Variants in AFM observed in about 807,000 individuals in gnomAD.
The protein encoded by AFM is alpha-Alb.
AFM carries 82 observed loss-of-function variants against 68.7 expected under a neutral mutation model. That is an observed-to-expected ratio of 1.19 (90% confidence interval 1.00 to 1.43). AFM has a LOEUF of 1.43. AFM is among the 40% of genes most tolerant of loss of function. AFM has a pLI of 0.00. For missense variants in AFM, 772 were observed against 701.8 expected (o/e 1.10, Z -1.13); for synonymous variants, 250 against 234.2 (o/e 1.07, Z -0.61).
At chr4:73,491,343 C>T (rs1721065377) in intron 7 of AFM, among the ~76,000 whole-genome samples, 1 of 152,126 alleles carries the variant, frequency 6.6e-6, no homozygotes, top group South Asian at 2.1e-4. Flanking sequence ...AAAATGATAC[C>T]ATGAGTGGAA....
At chr4:73,493,213 G>T (rs1323483934) in intron 8 of AFM, among the ~76,000 whole-genome samples, 1 of 152,170 alleles carries the variant, frequency 6.6e-6, no homozygotes, top group African/African-American at 2.4e-5. Flanking sequence ...GCCAGATCAT[G>T]CAGGCATGCT....
At chr4:73,493,295 A>T (rs1333224132) in intron 8 of AFM, among the ~76,000 whole-genome samples, 1 of 152,180 alleles carries the variant, frequency 6.6e-6, no homozygotes, top group East Asian at 1.9e-4. Flanking sequence ...AGTTTTTAGA[A>T]ACCTCATCTG....
intron 8 of AFM, among the ~76,000 whole-genome samples, chr4:73,492,960 A>C (rs1721121605): frequency 6.6e-6 from 1 of 152,074 alleles, no homozygotes; most frequent in African/African-American, 2.4e-5. Flanking sequence ...TAAATAAATA[A>C]GTGCAAAAAA....
chr4:73,484,131 T>G lies in AFM; in HGVS notation c.138-127T>G. On this transcript the variant is annotated intron_variant, in intron 2 of 14. Coordinates refer to ENST00000226355, the MANE Select transcript of AFM (RefSeq NM_001133.2). ...AATTATAAAATTCAGGCAAAGAAGTTGTAAAATTTATAGCCATTACAATAG... is the reference window on the plus strand; with the variant it reads ...AATTATAAAATTCAGGCAAAGAAGTGGTAAAATTTATAGCCATTACAATAG... 4.2e-6 allele frequency: 6 copies of G among 1,417,322 alleles called. No homozygotes were observed. The South Asian group carries it at 7.7e-5, about 18-fold the overall frequency. 87.8% of individuals were successfully genotyped at this position (1,417,322 alleles called of 1,614,324 possible).
Position 73,495,366 on chromosome 4 carries a change from A to G in AFM, c.1125A>G (p.Gln375=). The change falls in exon 9 of 15, where the codon CAA becomes CAG. Residue 375 remains glutamine (Q), a synonymous_variant. Transcript: ENST00000226355. ...LSIPELLRIV[Q]IYKDLLRNCC... The stretch of plus-strand genomic sequence containing the variant: ...TACCAGAGCTTTTAAGAATTGTTCA[A>G]ATATACAAAGATCTCCTGAGAAATT... 1.2e-6 allele frequency: 2 copies of G among 1,613,372 alleles called. No individual in the cohort carries two copies. The highest frequency in any genetic ancestry group is 1.7e-6 in the Non-Finnish European group (2 of 1,179,740).
At chr4:73,486,179 A>G (rs1182057450) in intron 4 of AFM, 106 bp downstream of exon 4, 99 of 949,790 alleles carry the variant, frequency 1.0e-4, no homozygotes, top group Non-Finnish European at 1.4e-4. Context: ...TTTATTGATT[A>G]ATTGTTTCAT....
chr4:73,488,877 C>A, intron 7 of AFM, 118 bp downstream of exon 7: 1 of 976,934 alleles, frequency 1.0e-6, no homozygotes, highest in Non-Finnish European at 1.5e-6. Context: ...TGTGATTTAA[C>A]TTTTGAATGA....
chr4:73,497,971 G>T (rs192268428), intron 10 of AFM, among the ~76,000 whole-genome samples: 1 of 152,244 alleles, frequency 6.6e-6, no homozygotes, highest in East Asian at 1.9e-4. Context: ...TGGAGACATT[G>T]ATTCTCTAAT....
intron 8 of AFM, among the ~76,000 whole-genome samples, chr4:73,493,285 A>G (rs1421508778): frequency 3.9e-5 from 6 of 152,224 alleles, no homozygotes; most frequent in African/African-American, 1.4e-4. Context: ...ATTCACTTTC[A>G]GTTTTTAGAA....
In AFM at chr4:73,497,767, G is replaced by T; in HGVS notation, c.1289+18G>T. On this transcript the variant is annotated intron_variant, in intron 10 of 14. Coordinates refer to ENST00000226355, the MANE Select transcript of AFM (RefSeq NM_001133.2). ...AAATACCAGTATGTTGTTTGCACAAGTGGGCTAACACTTGCCACTAGAATT... is the reference window on the plus strand; with the variant it reads ...AAATACCAGTATGTTGTTTGCACAATTGGGCTAACACTTGCCACTAGAATT... 1.3e-6 allele frequency: 2 copies of T among 1,482,544 alleles called. No individual in the cohort carries two copies. The highest frequency in any genetic ancestry group is 1.9e-6 in the Non-Finnish European group (2 of 1,069,394). 91.8% of individuals were successfully genotyped at this position (1,482,544 alleles called of 1,614,324 possible). A position where few individuals can be genotyped will look rare whatever the true frequency, so the allele number is the denominator to read the frequency against.
At chr4:73,498,431 G>A (rs145724306) in intron 10 of AFM, among the ~76,000 whole-genome samples, 10 of 152,178 alleles carry the variant, frequency 6.6e-5, no homozygotes, top group East Asian at 3.9e-4. Flanking sequence ...GGCTACAGAC[G>A]TGAGCCACCA....
intron 7 of AFM, among the ~76,000 whole-genome samples, 197 bp downstream of exon 7, chr4:73,488,956 A>C (rs1720992681): frequency 6.6e-6 from 1 of 152,202 alleles, no homozygotes; most frequent in Admixed American, 6.5e-5. Flanking sequence ...GAATTTTTAA[A>C]GATTACTGAA....
chr4:73,484,490 CTTTCTT>C (rs1358220408), intron 3 of AFM, 100 bp downstream of exon 3: 2 of 791,784 alleles, frequency 2.5e-6, no homozygotes, highest in Non-Finnish European at 3.6e-6. Flanking sequence ...TTCTTTCTTT[CTTTCTT>C]TCTTTCTTTC....
intron 1 of AFM, among the ~76,000 whole-genome samples, chr4:73,482,624 C>G (rs888225942): frequency 6.6e-6 from 1 of 152,182 alleles, no homozygotes; most frequent in African/African-American, 2.4e-5. Context: ...GTTTCAAAAT[C>G]TTGATTTTTT....
chr4:73,497,522 C>T (rs1209443981), intron 9 of AFM, 130 bp from the exon 10 acceptor site: 2 of 460,198 alleles, frequency 4.3e-6, no homozygotes, highest in African/African-American at 2.0e-5. Flanking sequence ...AAAAAGTGCC[C>T]TGAATTTAGT....
chr4:73,494,581 A>G (rs1435797528), intron 8 of AFM, among the ~76,000 whole-genome samples: 1 of 152,176 alleles, frequency 6.6e-6, no homozygotes, highest in East Asian at 1.9e-4. Context: ...CTCAGTTGTA[A>G]AACAGTACAT....
chr4:73,490,995 G>A (rs899070023), intron 7 of AFM, among the ~76,000 whole-genome samples: 5 of 152,120 alleles, frequency 3.3e-5, no homozygotes, highest in African/African-American at 1.2e-4. Flanking sequence ...CAGAAGATTC[G>A]TCAGTGGAAA....
intron 7 of AFM, among the ~76,000 whole-genome samples, chr4:73,491,368 T>A (rs1347701603): frequency 6.6e-6 from 1 of 152,242 alleles, no homozygotes; most frequent in Non-Finnish European, 1.5e-5. Flanking sequence ...TTCTTATATT[T>A]GATGAATCGT....
chr4:73,483,321 G>T (rs1278755902), intron 1 of AFM, among the ~76,000 whole-genome samples: 1 of 152,150 alleles, frequency 6.6e-6, no homozygotes, highest in Non-Finnish European at 1.5e-5. Flanking sequence ...AGCAGCTTAG[G>T]AACCTGATGT....
Sources: gnomAD v4.1 joint callset for allele counts (sites outside exome capture counted in the v4.1 genomes callset) on GRCh38, gnomAD v4.1.1 for gene constraint, MANE v1.5 for transcripts, NCBI Gene and HGNC (gene_info 2026-07-23, HGNC 2026-07-21) for gene names.